The following ASIC2 variants were observed in gnomAD, a reference collection of about 807,000 sequenced individuals.
ASIC2 encodes the protein acid sensing ion channel subunit 2, also known as acid-sensing ion channel 2.
In ASIC2, 25 loss-of-function variants were observed where a neutral mutation model predicts 57.3. That is an observed-to-expected ratio of 0.44 (90% confidence interval 0.32 to 0.61). ASIC2 has a LOEUF of 0.61. Among genes scored for constraint, ASIC2 ranks in the 20% least tolerant of loss-of-function variants. The pLI is 0.06. For synonymous variants in ASIC2, 319 were observed against 307.5 expected, an observed-to-expected ratio of 1.04 and a Z score of -0.39; for missense variants, 641 against 738.1, an observed-to-expected ratio of 0.87 and a Z score of 1.52.
chr17:34,139,754 G>C (rs1463840452), intron 1 of ASIC2, among the ~76,000 whole-genome samples: 2 of 152,066 alleles, frequency 1.3e-5, no homozygotes, highest in African/African-American at 4.8e-5. Flanking sequence ...AACTGGAGGG[G>C]GGGGGATTGA....
intron 1 of ASIC2, among the ~76,000 whole-genome samples, chr17:33,500,190 G>A (rs1221014370): frequency 6.6e-6 from 1 of 152,184 alleles, no homozygotes; most frequent in East Asian, 1.9e-4. Context: ...CATTCGGCTG[G>A]CACATTCTCT....
intron 1 of ASIC2, among the ~76,000 whole-genome samples, chr17:33,648,584 A>G (rs1444941981): frequency 1.3e-5 from 2 of 152,240 alleles, no homozygotes; most frequent in Non-Finnish European, 2.9e-5. Flanking sequence ...AACCACAGTG[A>G]ACACCTTCTA....
At chr17:33,900,155 G>T (rs142495523) in intron 1 of ASIC2, among the ~76,000 whole-genome samples, 2 of 152,242 alleles carry the variant, frequency 1.3e-5, no homozygotes, top group South Asian at 2.1e-4. Flanking sequence ...CATCAATTCC[G>T]TCACATATTA....
intron 1 of ASIC2, among the ~76,000 whole-genome samples, chr17:33,233,007 G>C (rs554802817): frequency 2.6e-5 from 4 of 152,188 alleles, no homozygotes; most frequent in Admixed American, 2.0e-4. Context: ...CTTGTGAAGT[G>C]GGGGAAGGGG....
intron 5 of ASIC2, among the ~76,000 whole-genome samples, chr17:33,024,411 T>A (rs2091851016): frequency 6.6e-6 from 1 of 152,214 alleles, no homozygotes; most frequent in African/African-American, 2.4e-5. Context: ...GTGCTCTTCC[T>A]GCTGGGGCTC....
In ASIC2 at chr17:33,202,071, G is replaced by A. The variant is rs148082459; in HGVS notation, c.708+89337C>T. Among the ~76,000 whole-genome samples, 535 of 151,056 alleles carry A rather than the reference G, an allele frequency of 3.5e-3. 4 individuals carry two copies. Among genetic ancestry groups the A allele is most frequent in the African/African-American group, 0.012 (502 of 41,182 alleles). ...AAGAAAAAAGAAAAAAAAAGGTGCC[G>A]TCTAACACTACTGGCTTGCCCTTGA... On this transcript the variant is annotated intron_variant, in intron 1 of 9. Coordinates refer to ENST00000225823, the MANE Select transcript of ASIC2 (RefSeq NM_183377.2).
chr17:33,070,445 C>T (rs902964414), intron 3 of ASIC2, among the ~76,000 whole-genome samples: 5 of 150,908 alleles, frequency 3.3e-5, no homozygotes, highest in African/African-American at 9.7e-5. Context: ...TCAAGCAATT[C>T]TCCTGCCTTA....
At position 33,181,678 on chromosome 17, in the gene ASIC2, C is replaced by T. The variant is rs929552573; in HGVS notation, c.709-69611G>A. ...ATTGGACCTGGGCATCACCCTCAAT[C>T]CAGGATGATCTCATGCTGAGATCCT... is the stretch of plus-strand genomic sequence containing the variant. On this transcript the variant is annotated intron_variant, in intron 1 of 9. Transcript: ENST00000225823. Among the ~76,000 whole-genome samples the T allele has an allele frequency of 5.3e-5, 8 of 152,200 alleles. No homozygotes were observed. In the South Asian group the frequency reaches 6.2e-4, roughly 12 times the overall value.
Position 33,112,025 on chromosome 17 carries a change from C to T in ASIC2, c.751G>A (p.Glu251Lys), listed in dbSNP as rs778829266. The change falls in exon 2 of 10, where the codon GAG becomes AAG. Residue 251 changes from glutamate to lysine, a missense_variant. Around this residue, in one of 3 missense-constraint regions of ASIC2, gnomAD observed 382 missense variants for 398.0 expected, o/e 0.96. Coordinates refer to ENST00000225823, the MANE Select transcript of ASIC2 (RefSeq NM_183377.2). ...YGKCYMFNSG[E>K]DGKPLLTTVK... ...GTGGTGAGCAGAGGTTTGCCATCCT[C>T]GCCTGAGTTAAACATGTAACACTTC... 5.3e-5 allele frequency: 86 copies of T among 1,613,886 alleles called. No homozygotes were observed. The Middle Eastern group carries it at 1.8e-3, about 34-fold the overall frequency.
At chr17:33,214,697 G>A (rs1051021473) in intron 1 of ASIC2, among the ~76,000 whole-genome samples, 1 of 152,164 alleles carries the variant, frequency 6.6e-6, no homozygotes, top group Non-Finnish European at 1.5e-5. Flanking sequence ...CCCAGGTGAT[G>A]CCGATGCTGT....
chr17:33,485,662 T>C (rs1913553445), intron 1 of ASIC2, among the ~76,000 whole-genome samples: 1 of 152,214 alleles, frequency 6.6e-6, no homozygotes, highest in Non-Finnish European at 1.5e-5. Context: ...AGTCTCCAAT[T>C]GCTGCCTTCT....
chr17:33,679,786 G>A (rs931344040), intron 1 of ASIC2, among the ~76,000 whole-genome samples: 1 of 152,122 alleles, frequency 6.6e-6, no homozygotes, highest in Admixed American at 6.5e-5. Flanking sequence ...CAAAGGCCTC[G>A]AGGCGGGGCA....
intron 1 of ASIC2, among the ~76,000 whole-genome samples, chr17:33,197,843 C>G (rs970555951): frequency 6.6e-6 from 1 of 152,096 alleles, no homozygotes; most frequent in Non-Finnish European, 1.5e-5. Flanking sequence ...TTATAAAGGT[C>G]TATTTTTCAA....
At chr17:33,313,144 C>A (rs955780725) in intron 1 of ASIC2, among the ~76,000 whole-genome samples, 1 of 151,664 alleles carries the variant, frequency 6.6e-6, no homozygotes, top group African/African-American at 2.4e-5. Context: ...ATAGTGAGAG[C>A]CCCCATCTCA....
At chr17:34,137,893 C>T (rs1912167991) in intron 1 of ASIC2, among the ~76,000 whole-genome samples, 1 of 152,046 alleles carries the variant, frequency 6.6e-6, no homozygotes, top group Admixed American at 6.6e-5. Flanking sequence ...AATCATCTCC[C>T]ACAGGCCCTA....
chr17:33,758,657 G>A (rs1910685701), intron 1 of ASIC2, among the ~76,000 whole-genome samples: 1 of 152,084 alleles, frequency 6.6e-6, no homozygotes, highest in Admixed American at 6.6e-5. Flanking sequence ...TTATCATGGA[G>A]GGGGAGCTGG....
chr17:33,907,503 T>A (rs1184030072), intron 1 of ASIC2, among the ~76,000 whole-genome samples: 1 of 152,202 alleles, frequency 6.6e-6, no homozygotes, highest in Non-Finnish European at 1.5e-5. Flanking sequence ...CTTTGTCATC[T>A]AGTTTTGCTT....
At chr17:33,561,679 T>C (rs1445438436) in intron 1 of ASIC2, among the ~76,000 whole-genome samples, 9 of 152,136 alleles carry the variant, frequency 5.9e-5, no homozygotes, top group Non-Finnish European at 8.8e-5. Flanking sequence ...CTAGAACATA[T>C]GCTGGTGTGA....
intron 1 of ASIC2, among the ~76,000 whole-genome samples, chr17:33,447,935 A>C (rs1403920630): frequency 8.0e-5 from 12 of 150,826 alleles, no homozygotes; most frequent in Non-Finnish European, 1.5e-5. Flanking sequence ...AAAAAAAAGA[A>C]AAGACAAATA....
Sources: gnomAD v4.1 joint callset for allele counts (sites outside exome capture counted in the v4.1 genomes callset) on GRCh38, gnomAD v4.1.1 for gene constraint, gnomAD v4.1.1 regional missense constraint, MANE v1.5 for transcripts, NCBI Gene and HGNC (gene_info 2026-07-23, HGNC 2026-07-21) for gene names.